Variants in C4A observed in about 807,000 individuals in gnomAD.
C4A encodes complement C4A (Chido/Rodgers blood group).
In C4A, 12 loss-of-function variants were observed where a neutral mutation model predicts 45.7. The ratio of observed to expected loss-of-function variants is 0.26; its 90% CI spans 0.17 to 0.43. C4A has a LOEUF of 0.43. C4A is among the 20% of genes least tolerant of loss of function. The pLI is 1.00. For synonymous variants in C4A, 66 were observed against 230.7 expected, an observed-to-expected ratio of 0.29 and a Z score of 6.47; for missense variants, 127 against 534.4, an observed-to-expected ratio of 0.24 and a Z score of 7.52.
chr6:31,996,189 C>G lies in C4A; in HGVS notation c.3388-18C>G. ...GCCCCTTCCCCCTCCTGTTTGACAT[C>G]TTTTCTCCCCTTACTAGGGGGGTTT... On this transcript the variant is annotated intron_variant, in intron 26 of 40. Coordinates refer to ENST00000428956, the MANE Select transcript of C4A (RefSeq NM_007293.3). 2 of 1,578,902 alleles carry G rather than the reference C, an allele frequency of 1.3e-6. No homozygotes were observed. The highest frequency in any genetic ancestry group is 1.7e-6 in the Non-Finnish European group (2 of 1,150,274).
Position 31,996,112 on chromosome 6 carries a change from G to A in C4A, c.3387+1G>A. 1.3e-6 allele frequency: 2 copies of A among 1,587,570 alleles called. No individual in the cohort carries two copies. The highest frequency in any genetic ancestry group is 1.7e-6 in the Non-Finnish European group (2 of 1,156,716). ...TCCAGTGTTAGACAGGAGCATGCAG[G>A]TGCGGGCATGCTGGGGCTGGCCCGA... is the stretch of plus-strand genomic sequence containing the variant. On this transcript the variant is annotated splice_donor_variant, in intron 26 of 40. Transcript: ENST00000428956. LOFTEE classifies it high-confidence loss of function.
At chr6:31,996,644 G>A (rs1774482111) in intron 28 of C4A, 44 bp downstream of exon 28, 2 of 1,587,336 alleles carry the variant, frequency 1.3e-6, no homozygotes. Context: ...AGGCCCAGGG[G>A]ACCTTAGGAT....
rs757987556 is a variant in C4A, at chr6:31,995,967, T to C, written c.3243T>C (p.Phe1081=). Residue 1081 remains phenylalanine (F), a synonymous_variant, in exon 26 of 41, where the codon TTT becomes TTC. Transcript: ENST00000428956. ...SRDSSTWLTA[F]VLKVLSLAQE... is the part of the protein sequence containing the mutation. Reference sequence around the variant, plus strand: ...TCCTGCCCTCCAGGCTCACAGCCTTTGTGTTGAAGGTCCTGAGTTTGGCCC... The same window carrying C: ...TCCTGCCCTCCAGGCTCACAGCCTTCGTGTTGAAGGTCCTGAGTTTGGCCC... 1 of 1,573,974 alleles carries C rather than the reference T, an allele frequency of 6.4e-7. No individual in the cohort carries two copies. The highest frequency in any genetic ancestry group is 2.3e-5 in the East Asian group (1 of 44,280).
Position 31,996,835 on chromosome 6 carries a change from T to C in C4A, c.3683T>C (p.Leu1228Pro). ...MAMAQETGDN[L>P]YWGSVTGSQS... is the part of the protein sequence containing the mutation. The stretch of plus-strand genomic sequence containing the variant: ...GGTCTCCCTTCACTTTCAGATAACC[T>C]GTACTGGGGCTCAGTCACTGGTTCT... Residue 1228 changes from leucine to proline, a missense_variant, in exon 29 of 41, where the codon CTG becomes CCG. Coordinates refer to ENST00000428956, the MANE Select transcript of C4A (RefSeq NM_007293.3). The C allele has an allele frequency of 9.9e-7, 1 of 1,011,936 alleles. No homozygotes were observed. The allele number at this position is 1,011,936 out of a possible 1,614,324, so 62.7% of individuals were successfully genotyped here.
Position 31,996,094 on chromosome 6 carries a change from T to G in C4A, c.3370T>G (p.Leu1124Val), listed in dbSNP as rs963856331. Residue 1124 changes from leucine (L) to valine (V), a missense_variant, in exon 26 of 41, where the codon TTA becomes GTA. By Grantham distance (32) the Leu-to-Val change is conservative. Transcript: ENST00000428956. Reference protein sequence around the residue: ...DGSFQDPCPVLDRSMQGGLVG... With the variant: ...DGSFQDPCPVVDRSMQGGLVG... ...CTCGTTCCAGGACCCCTGTCCAGTG[T>G]TAGACAGGAGCATGCAGGTGCGGGC... 1.3e-6 allele frequency: 2 copies of G among 1,587,522 alleles called. 1 individual carries two copies. The highest frequency in any genetic ancestry group is 1.7e-6 in the Non-Finnish European group (2 of 1,156,650).
Position 31,996,113 on chromosome 6 carries a change from T to C in C4A, c.3387+2T>C, listed in dbSNP as rs1482884775. 6.3e-7 allele frequency: 1 copy of C among 1,587,366 alleles called. No homozygotes were observed. Among genetic ancestry groups the C allele is most frequent in the South Asian group, 1.1e-5 (1 of 90,788 alleles). On this transcript the variant is annotated splice_donor_variant, in intron 26 of 40. Transcript: ENST00000428956. LOFTEE classifies it high-confidence loss of function. ...CCAGTGTTAGACAGGAGCATGCAGG[T>C]GCGGGCATGCTGGGGCTGGCCCGAG...
At chr6:31,997,389 T>TGGGGGCGC in intron 30 of C4A, 78 bp downstream of exon 30, 1 of 222,594 alleles carries the variant, frequency 4.5e-6, no homozygotes, top group East Asian at 6.3e-5. Flanking sequence ...CCAGAAGCCG[T>TGGGGGCGC]CCCCACCCTC....
At position 31,996,015 on chromosome 6, in the gene C4A, T is replaced by C. The variant is rs774574186; in HGVS notation, c.3291T>C (p.Pro1097=). 2.5e-6 allele frequency: 4 copies of C among 1,583,048 alleles called. No individual in the cohort carries two copies. The African/African-American group carries it at 4.1e-5, about 16-fold the overall frequency. Reference sequence around the variant, plus strand: ...CCCAGGAGCAGGTAGGAGGCTCGCCTGAGAAACTGCAGGAGACATCTAACT... The same window carrying C: ...CCCAGGAGCAGGTAGGAGGCTCGCCCGAGAAACTGCAGGAGACATCTAACT... ...SLAQEQVGGS[P]EKLQETSNWL... is the part of the protein sequence containing the mutation. Residue 1097 remains proline (P), a synonymous_variant, in exon 26 of 41, where the codon CCT becomes CCC. Transcript: ENST00000428956.
Position 31,996,330 on chromosome 6 carries a change from T to A in C4A, c.3504+7T>A, listed in dbSNP as rs747182112. ...GCCATTGAAGCAGAGAGTGGTAAGT[T>A]CAGTGGCGTTTCTGCCCTCTGCTGG... On this transcript the variant is annotated splice_region_variant and intron_variant, in intron 27 of 40. Transcript: ENST00000428956. 2.9e-5 allele frequency: 46 copies of A among 1,570,192 alleles called. No homozygotes were observed. The highest frequency in any genetic ancestry group is 1.7e-4 in the Admixed American group (10 of 59,520).
chr6:31,996,113 T>G lies in C4A; in HGVS notation c.3387+2T>G. 1 of 1,587,366 alleles carries G rather than the reference T, an allele frequency of 6.3e-7. No individual in the cohort carries two copies. ...CCAGTGTTAGACAGGAGCATGCAGG[T>G]GCGGGCATGCTGGGGCTGGCCCGAG... On this transcript the variant is annotated splice_donor_variant, in intron 26 of 40. Coordinates refer to ENST00000428956, the MANE Select transcript of C4A (RefSeq NM_007293.3). LOFTEE classifies it high-confidence loss of function.
chr6:31,996,235 T>C lies in C4A; in HGVS notation c.3416T>C (p.Val1139Ala), dbSNP rs1258401406. ...GGTTTGGTGGGCAATGATGAGACTG[T>C]GGCACTCACAGCCTTTGTGACCATC... ...QGGLVGNDET[V>A]ALTAFVTIAL... The change falls in exon 27 of 41, where the codon GTG (valine) becomes GCG (alanine). Residue 1139 changes from valine to alanine, a missense_variant. Val to Ala is a moderately conservative substitution (Grantham distance 64, BLOSUM62 0). Transcript: ENST00000428956. 4.5e-6 allele frequency: 7 copies of C among 1,570,698 alleles called. 1 individual carries two copies. Among genetic ancestry groups the C allele is most frequent in the Non-Finnish European group, 6.1e-6 (7 of 1,144,494 alleles).
Position 31,995,762 on chromosome 6 carries a change from T to C in C4A, c.3198T>C (p.Tyr1066=). The C allele has an allele frequency of 1.3e-6, 2 of 1,577,926 alleles. No homozygotes were observed. Among genetic ancestry groups the C allele is most frequent in the Non-Finnish European group, 1.7e-6 (2 of 1,150,658 alleles). Residue 1066 remains tyrosine, a synonymous_variant, in exon 25 of 41, where the codon TAT becomes TAC. Coordinates refer to ENST00000428956, the MANE Select transcript of C4A (RefSeq NM_007293.3). ...IQQFRKADGS[Y]AAWLSRDSST... ...AGTTTCGGAAGGCGGATGGTTCCTA[T>C]GCGGCTTGGTTGTCACGGGACAGCA...
chr6:31,996,678 G>A (rs1318985979), intron 28 of C4A, 78 bp downstream of exon 28: 39 of 1,573,954 alleles, frequency 2.5e-5, no homozygotes, highest in Non-Finnish European at 3.4e-5. Context: ...CAGAGGGAGA[G>A]GCTGGATGAA....
At position 31,996,546 on chromosome 6, in the gene C4A, G is replaced by A. The variant is rs1277818464; in HGVS notation, c.3622G>A (p.Asp1208Asn). 3 of 1,586,666 alleles carry A rather than the reference G, an allele frequency of 1.9e-6. 1 individual carries two copies. Among genetic ancestry groups the A allele is most frequent in the East Asian group, 4.5e-5 (2 of 44,752 alleles). Residue 1208 changes from aspartate to asparagine, a missense_variant, in exon 28 of 41, where the codon GAC (aspartate) becomes AAC (asparagine). By Grantham distance (23) the Asp-to-Asn change is conservative. Transcript: ENST00000428956. The part of the protein sequence containing the change: ...YALTLTKAPV[D>N]LLGVAHNNLM... ...CCTGACACTGACCAAGGCGCCTGTG[G>A]ACCTGCTCGGTGTTGCCCACAACAA...
In C4A at chr6:31,995,993, A is replaced by G. The variant is rs367681824; in HGVS notation, c.3269A>G (p.Gln1090Arg). 8.0e-5 allele frequency: 126 copies of G among 1,578,166 alleles called. No homozygotes were observed. Among genetic ancestry groups the G allele is most frequent in the Non-Finnish European group, 1.1e-4 (122 of 1,151,734 alleles). ...GTGTTGAAGGTCCTGAGTTTGGCCCAGGAGCAGGTAGGAGGCTCGCCTGAG... is the reference window on the plus strand; with the variant it reads ...GTGTTGAAGGTCCTGAGTTTGGCCCGGGAGCAGGTAGGAGGCTCGCCTGAG... ...AFVLKVLSLA[Q>R]EQVGGSPEKL... Residue 1090 changes from glutamine to arginine, a missense_variant, in exon 26 of 41, where the codon CAG becomes CGG. Coordinates refer to ENST00000428956, the MANE Select transcript of C4A (RefSeq NM_007293.3).
At position 31,996,857 on chromosome 6, in the gene C4A, T is replaced by C; in HGVS notation, c.3705T>C (p.Gly1235=). Residue 1235 remains glycine, a synonymous_variant, in exon 29 of 41, where the codon GGT becomes GGC. Coordinates refer to ENST00000428956, the MANE Select transcript of C4A (RefSeq NM_007293.3). ...ACCTGTACTGGGGCTCAGTCACTGGTTCTCAGAGCAATGCCGTGTCGCCCA... is the reference window on the plus strand; with the variant it reads ...ACCTGTACTGGGGCTCAGTCACTGGCTCTCAGAGCAATGCCGTGTCGCCCA... ...GDNLYWGSVT[G]SQSNAVSPTP... is the part of the protein sequence containing the mutation. 9.7e-7 allele frequency: 1 copy of C among 1,028,164 alleles called. No individual in the cohort carries two copies. Among genetic ancestry groups the C allele is most frequent in the South Asian group, 1.5e-5 (1 of 67,936 alleles). 63.7% of individuals were successfully genotyped at this position (1,028,164 alleles called of 1,614,324 possible).
In C4A at chr6:31,996,520, C is replaced by T. The variant is rs549366744; in HGVS notation, c.3596C>T (p.Ala1199Val). Residue 1199 changes from alanine (A) to valine (V), a missense_variant, in exon 28 of 41, where the codon GCC (alanine) becomes GTC (valine). Physicochemically the swap from Ala to Val is moderately conservative, Grantham distance 64. Coordinates refer to ENST00000428956, the MANE Select transcript of C4A (RefSeq NM_007293.3). ...CACGCAGCTGCCATCACGGCCTATGCCCTGACACTGACCAAGGCGCCTGTG... is the reference window on the plus strand; with the variant it reads ...CACGCAGCTGCCATCACGGCCTATGTCCTGACACTGACCAAGGCGCCTGTG... The part of the protein sequence containing the change: ...GAHAAAITAY[A>V]LTLTKAPVDL... 1.3e-6 allele frequency: 2 copies of T among 1,587,302 alleles called. No individual in the cohort carries two copies. The highest frequency in any genetic ancestry group is 1.7e-6 in the Non-Finnish European group (2 of 1,157,076).
At position 31,995,964 on chromosome 6, in the gene C4A, C is replaced by A. The variant is rs1774423058; in HGVS notation, c.3240C>A (p.Ala1080=). ...LSRDSSTWLT[A]FVLKVLSLAQ... ...CTTTCCTGCCCTCCAGGCTCACAGC[C>A]TTTGTGTTGAAGGTCCTGAGTTTGG... Residue 1080 remains alanine, a synonymous_variant, in exon 26 of 41, where the codon GCC becomes GCA. Coordinates refer to ENST00000428956, the MANE Select transcript of C4A (RefSeq NM_007293.3). 1.3e-6 allele frequency: 2 copies of A among 1,573,306 alleles called. No individual in the cohort carries two copies. The highest frequency in any genetic ancestry group is 2.8e-5 in the African/African-American group (2 of 71,460).
rs755562697 is a variant in C4A at position 31,996,169 on chromosome 6, T to C, written c.3388-38T>C. On this transcript the variant is annotated intron_variant, in intron 26 of 40. Transcript: ENST00000428956. ...CCTGTCGGAGGACTCTCTTTGCCCC[T>C]TCCCCCTCCTGTTTGACATCTTTTC... 22 of 1,583,382 alleles carry C rather than the reference T, an allele frequency of 1.4e-5. 1 individual carries two copies. The highest frequency in any genetic ancestry group is 1.4e-5 in the Non-Finnish European group (16 of 1,153,764).
Sources: gnomAD v4.1 joint callset for allele counts on GRCh38, gnomAD v4.1.1 for gene constraint, MANE v1.5 for transcripts, NCBI Gene and HGNC (gene_info 2026-07-23, HGNC 2026-07-21) for gene names.